IFT172: variants seen among roughly 807,000 people sequenced by gnomAD.
IFT172 encodes the protein intraflagellar transport 172, also known as intraflagellar transport protein 172 homolog.
Under a neutral mutation model 248.9 loss-of-function variants are expected in IFT172, and 164 were observed. The observed-to-expected ratio is 0.66, with a 90% CI of 0.58 to 0.75. The LOEUF (loss-of-function observed/expected upper bound fraction) is 0.75. IFT172 is among the 30% of genes least tolerant of loss of function. IFT172 has a pLI of 0.00. For synonymous variants in IFT172, 729 were observed against 791.6 expected (o/e 0.92, Z 1.33); for missense variants, 1,950 against 2,192.4 (o/e 0.89, Z 2.21).
In IFT172 at chr2:27,453,721, C is replaced by G. The variant is rs1186609381; in HGVS notation, c.3730G>C (p.Asp1244His). The change falls in exon 34 of 48, where the codon GAC (aspartate) becomes CAC (histidine). Residue 1244 changes from aspartate (D) to histidine (H), a missense_variant. By Grantham distance (81) the Asp-to-His change is moderately conservative. This residue lies in a region of IFT172 where 620 missense variants were observed against 699.0 expected (regional missense o/e 0.89). Coordinates refer to ENST00000260570, the MANE Select transcript of IFT172 (RefSeq NM_015662.3). Reference protein sequence around the residue: ...NYYKEAGLWSDALRICKDYVP... With the variant: ...NYYKEAGLWSHALRICKDYVP... ...TAGTCCTTGCAGATGCGCAGAGCGT[C>G]ACTCCATAATCCAGCCTCCTGCTCA... 1 of 1,612,182 alleles carries G rather than the reference C, an allele frequency of 6.2e-7. No homozygotes were observed. Among genetic ancestry groups the G allele is most frequent in the Admixed American group, 1.7e-5 (1 of 59,390 alleles).
intron 10 of IFT172, among the ~76,000 whole-genome samples, chr2:27,478,416 C>T (rs1301701468): frequency 2.6e-5 from 4 of 152,184 alleles, no homozygotes; most frequent in African/African-American, 4.8e-5. Context: ...ACCAATCACT[C>T]TATGTTCTCA....
In IFT172 at chr2:27,465,451, T is replaced by C; in HGVS notation, c.1897A>G (p.Lys633Glu). Residue 633 changes from lysine (K) to glutamate (E), a missense_variant, in exon 18 of 48, where the codon AAA (lysine) becomes GAA (glutamate). By Grantham distance (56) the Lys-to-Glu change is moderately conservative. This residue lies in a region of IFT172 where 1,166 missense variants were observed against 1,254.1 expected (regional missense o/e 0.93). Transcript: ENST00000260570. ...ETEAMWKTLS[K>E]LALEARQLHI... ...AGTTGCCTTGCCTCTAGTGCCAGTT[T>C]ACTCAAGGTTTTCCACATTGCCTCT... 2.5e-6 allele frequency: 4 copies of C among 1,614,204 alleles called. No individual in the cohort carries two copies. Among genetic ancestry groups the C allele is most frequent in the Non-Finnish European group, 3.4e-6 (4 of 1,180,032 alleles).
At chr2:27,487,352 T>C (rs1204137437) in intron 1 of IFT172, among the ~76,000 whole-genome samples, 1 of 152,184 alleles carries the variant, frequency 6.6e-6, no homozygotes, top group Non-Finnish European at 1.5e-5. Flanking sequence ...CCTCACTAGA[T>C]TTTTTTATTA....
rs201940166 is a variant in IFT172, at chr2:27,454,404, C to A, written c.3480G>T (p.Glu1160Asp). Residue 1160 changes from glutamate (E) to aspartate (D), a missense_variant, in exon 32 of 48, where the codon GAG (glutamate) becomes GAT (aspartate). Physicochemically the swap from Glu to Asp is conservative, Grantham distance 45. This residue lies in a region of IFT172 where 164 missense variants were observed against 239.3 expected (regional missense o/e 0.69). Transcript: ENST00000260570. This position sits in a 1 kb window ranked among gnomAD's most constrained non-coding sequence, Gnocchi z 4.2. Reference sequence around the variant, plus strand: ...CAGCTCTGATGAATTCAGCTTCAGCCTCTTCGAATTTACCCTACAGGGAGA... The same window carrying A: ...CAGCTCTGATGAATTCAGCTTCAGCATCTTCGAATTTACCCTACAGGGAGA... ...MFLEDEGKFE[E>D]AEAEFIRAGK... 1.2e-6 allele frequency: 2 copies of A among 1,614,054 alleles called. No homozygotes were observed. The highest frequency in any genetic ancestry group is 1.7e-6 in the Non-Finnish European group (2 of 1,180,056).
At position 27,461,321 on chromosome 2, in the gene IFT172, T is replaced by A; in HGVS notation, c.2390A>T (p.Glu797Val). The A allele has an allele frequency of 6.2e-7, 1 of 1,614,150 alleles. No homozygotes were observed. The highest frequency in any genetic ancestry group is 8.5e-7 in the Non-Finnish European group (1 of 1,180,014). Residue 797 changes from glutamate to valine, a missense_variant, in exon 22 of 48, where the codon GAG becomes GTG. This residue lies in a region of IFT172 where 1,166 missense variants were observed against 1,254.1 expected (regional missense o/e 0.93). Transcript: ENST00000260570. ...LTREELLANT[E>V]LVEHITAALI... is the part of the protein sequence containing the mutation. ...GGCTGCAGTGATGTGTTCTACCAGCTCTGTGTTGGCTAGCAGTTCCTCTCG... is the reference window on the plus strand; with the variant it reads ...GGCTGCAGTGATGTGTTCTACCAGCACTGTGTTGGCTAGCAGTTCCTCTCG...
chr2:27,465,313 AGT>A (rs1667003481), intron 18 of IFT172, 96 bp downstream of exon 18: 1 of 940,134 alleles, frequency 1.1e-6, no homozygotes, highest in South Asian at 1.4e-5. Context: ...GAAGGGAGGG[AGT>A]ACCTTAACAC....
At position 27,453,700 on chromosome 2, in the gene IFT172, C is replaced by G; in HGVS notation, c.3751G>C (p.Asp1251His). The G allele has an allele frequency of 6.2e-7, 1 of 1,612,470 alleles. No homozygotes were observed. The highest frequency in any genetic ancestry group is 8.5e-7 in the Non-Finnish European group (1 of 1,179,598). ...LWSDALRICK[D>H]YVPSQLEALQ... ...GCCTCCAGCTGGCTGGGCACATAGT[C>G]CTTGCAGATGCGCAGAGCGTCACTC... Residue 1251 changes from aspartate to histidine, a missense_variant, in exon 34 of 48, where the codon GAC (aspartate) becomes CAC (histidine). Asp to His is a moderately conservative substitution (Grantham distance 81). Coordinates refer to ENST00000260570, the MANE Select transcript of IFT172 (RefSeq NM_015662.3).
chr2:27,478,055 C>T lies in IFT172; in HGVS notation c.1107G>A (p.Leu369=). Residue 369 remains leucine (L), a synonymous_variant, in exon 11 of 48, where the codon TTG becomes TTA. Coordinates refer to ENST00000260570, the MANE Select transcript of IFT172 (RefSeq NM_015662.3). ...EVKILGKERY[L]VAHTSETLLL... ...GCAGTGTTTCTGATGTGTGAGCCAC[C>T]AAGTAACGTTCCTTTCCTAGGATTT... 6.2e-7 allele frequency: 1 copy of T among 1,614,196 alleles called. No homozygotes were observed. Among genetic ancestry groups the T allele is most frequent in the Non-Finnish European group, 8.5e-7 (1 of 1,180,038 alleles).
chr2:27,466,858 A>G (rs1347021763), intron 16 of IFT172, among the ~76,000 whole-genome samples: 1 of 152,048 alleles, frequency 6.6e-6, no homozygotes, highest in Non-Finnish European at 1.5e-5. Context: ...CTGAAAGAAA[A>G]AAAAAAAATT....
intron 35 of IFT172, chr2:27,452,999 G>C: frequency 5.8e-6 from 2 of 346,052 alleles, no homozygotes; most frequent in Non-Finnish European, 5.7e-6. Context: ...CAGTTCCTGT[G>C]CCTGGAGTTG....
intron 42 of IFT172, 143 bp from the exon 43 acceptor site, chr2:27,446,498 G>GA (rs1553321130): frequency 5.8e-5 from 34 of 587,882 alleles, no homozygotes; most frequent in Non-Finnish European, 9.8e-5. Context: ...CTGGGTCTTA[G>GA]TTTTTTTTTT....
Position 27,471,028 on chromosome 2 carries a change from C to G in IFT172, c.1592G>C (p.Trp531Ser). ...TACCAGCACGTCACTTCCTGGGACC[C>G]ACTGCATATAGGAGCAGAAGTTGAG... is the stretch of plus-strand genomic sequence containing the variant. ...MILNFCSYMQ[W>S]VPGSDVLVAQ... is the part of the protein sequence containing the mutation. The change falls in exon 16 of 48, where the codon TGG becomes TCG. Residue 531 changes from tryptophan (W) to serine (S), a missense_variant. Transcript: ENST00000260570. 6.2e-7 allele frequency: 1 copy of G among 1,613,986 alleles called. No individual in the cohort carries two copies. Among genetic ancestry groups the G allele is most frequent in the Non-Finnish European group, 8.5e-7 (1 of 1,179,980 alleles).
In IFT172 at chr2:27,453,379, C is replaced by G. The variant is rs368765495; in HGVS notation, c.3951+5G>C. 1 of 1,614,176 alleles carries G rather than the reference C, an allele frequency of 6.2e-7. No individual in the cohort carries two copies. Among genetic ancestry groups the G allele is most frequent in the East Asian group, 2.2e-5 (1 of 44,886 alleles). On this transcript the variant is annotated splice_donor_5th_base_variant and intron_variant, in intron 35 of 47. Coordinates refer to ENST00000260570, the MANE Select transcript of IFT172 (RefSeq NM_015662.3). ...GGAGGGCCAGAAAGGGCCTGCTGTC[C>G]TCACCTTCATCCAGCACTTCTCCGC...
intron 20 of IFT172, among the ~76,000 whole-genome samples, 163 bp downstream of exon 20, chr2:27,462,538 T>TTTC (rs1433111011): frequency 6.6e-6 from 1 of 152,114 alleles, no homozygotes; most frequent in East Asian, 1.9e-4. Context: ...GAGAAGGAAA[T>TTTC]TAAGAAAAGG....
At chr2:27,455,007 T>G in intron 30 of IFT172, 1 of 329,466 alleles carries the variant, frequency 3.0e-6, no homozygotes, top group South Asian at 3.4e-5. Flanking sequence ...GTGCTCTCCA[T>G]CTCTTCCTGA....
intron 5 of IFT172, 101 bp from the exon 6 acceptor site, chr2:27,483,760 G>A (rs763298718): frequency 3.4e-5 from 49 of 1,449,296 alleles, no homozygotes; most frequent in Non-Finnish European, 4.7e-5. Context: ...TGGTCCCTAT[G>A]CATTCTCCCC....
chr2:27,488,483 T>C (rs1668928557), intron 1 of IFT172, among the ~76,000 whole-genome samples: 2 of 152,122 alleles, frequency 1.3e-5, no homozygotes, highest in Non-Finnish European at 2.9e-5. Flanking sequence ...CTTGGAATCT[T>C]GGGCTCAAGT....
intron 18 of IFT172, chr2:27,465,078 C>T (rs936994436): frequency 3.2e-5 from 8 of 248,164 alleles, no homozygotes; most frequent in South Asian, 6.0e-5. Flanking sequence ...CCCGCCACTA[C>T]GCCTGGCTAA....
Position 27,450,812 on chromosome 2 carries a change from A to G in IFT172, c.3952-716T>C, listed in dbSNP as rs543894051. Reference sequence around the variant, plus strand: ...CACCATGTTGGCCAGGCTGGTCTCAAACTCCTGATCCTCAAGTGATCTGCC... The same window carrying G: ...CACCATGTTGGCCAGGCTGGTCTCAGACTCCTGATCCTCAAGTGATCTGCC... On this transcript the variant is annotated intron_variant, in intron 35 of 47. Transcript: ENST00000260570. Among the ~76,000 whole-genome samples the G allele has an allele frequency of 3.9e-5, 6 of 152,244 alleles. No individual in the cohort carries two copies. In the South Asian group the frequency reaches 8.3e-4, roughly 21 times the overall value.
Sources: allele counts gnomAD v4.1 joint callset (sites outside exome capture counted in the v4.1 genomes callset), GRCh38; gene constraint gnomAD v4.1.1; regional missense constraint gnomAD v4.1.1; non-coding constraint Gnocchi (gnomAD v3.1); transcripts MANE v1.5; gene names NCBI Gene and HGNC (gene_info 2026-07-23, HGNC 2026-07-21).